NCAM2: variants seen among roughly 807,000 people sequenced by gnomAD.
NCAM2 encodes N-CAM-2.
Under a neutral mutation model 98.1 loss-of-function variants are expected in NCAM2, and 30 were observed. That is an observed-to-expected ratio of 0.31 (90% CI 0.23 to 0.41). NCAM2 has a LOEUF of 0.41. Ranked by LOEUF, NCAM2 falls within the 10% of genes least tolerant of loss-of-function variation. The pLI is 1.00. For missense variants in NCAM2, 867 were observed against 1,005.8 expected, an observed-to-expected ratio of 0.86 and a Z score of 1.87; for synonymous variants, 368 against 342.4, an observed-to-expected ratio of 1.07 and a Z score of -0.83.
chr21:21,310,744 A>G (rs1293238091), intron 5 of NCAM2, among the ~76,000 whole-genome samples: 2 of 152,194 alleles, frequency 1.3e-5, no homozygotes, highest in Non-Finnish European at 2.9e-5. Flanking sequence ...TAACGTATAC[A>G]TAGATTCATC....
intron 1 of NCAM2, among the ~76,000 whole-genome samples, chr21:21,064,713 G>C (rs780558618): frequency 6.6e-6 from 1 of 152,184 alleles, no homozygotes; most frequent in Non-Finnish European, 1.5e-5. Context: ...ACAGAAAACT[G>C]AGAAACATTA....
intron 1 of NCAM2, among the ~76,000 whole-genome samples, chr21:21,253,762 A>G (rs2071558603): frequency 6.6e-6 from 1 of 152,218 alleles, no homozygotes; most frequent in Admixed American, 6.5e-5. Flanking sequence ...CTAGAAAAGT[A>G]TTCAAACTTA....
intron 1 of NCAM2, among the ~76,000 whole-genome samples, chr21:21,241,682 A>G (rs894473976): frequency 6.6e-6 from 1 of 151,580 alleles, no homozygotes; most frequent in African/African-American, 2.4e-5. Context: ...TTCCAGGTAA[A>G]TTAAATAACA....
At chr21:21,303,775 C>A (rs1460253159) in intron 5 of NCAM2, among the ~76,000 whole-genome samples, 1 of 152,130 alleles carries the variant, frequency 6.6e-6, no homozygotes, top group African/African-American at 2.4e-5. Context: ...CACATCCTCA[C>A]CAAAACTTGA....
chr21:21,388,625 C>T (rs1264096734), intron 9 of NCAM2, among the ~76,000 whole-genome samples: 1 of 152,164 alleles, frequency 6.6e-6, no homozygotes, highest in Non-Finnish European at 1.5e-5. Flanking sequence ...GCCGGTACAA[C>T]TGAGCAACTG....
At chr21:21,419,926 G>A (rs2077076995) in intron 11 of NCAM2, among the ~76,000 whole-genome samples, 1 of 151,960 alleles carries the variant, frequency 6.6e-6, no homozygotes, top group Non-Finnish European at 1.5e-5. Flanking sequence ...GATCCCTGAG[G>A]AATCGTCACA....
intron 1 of NCAM2, among the ~76,000 whole-genome samples, chr21:21,057,573 C>T (rs1054159353): frequency 6.6e-6 from 1 of 152,060 alleles, no homozygotes; most frequent in African/African-American, 2.4e-5. Context: ...CCCGACAAAT[C>T]CTTCCTGATC....
At chr21:21,117,065 T>C (rs13047191) in intron 1 of NCAM2, among the ~76,000 whole-genome samples, 10,088 of 152,298 alleles carry the variant, frequency 0.066, 459 homozygotes, top group Middle Eastern at 0.12. Flanking sequence ...GATGATTTGA[T>C]ATATATCGAC....
At chr21:21,406,116 A>G (rs1366299685) in intron 9 of NCAM2, among the ~76,000 whole-genome samples, 1 of 152,144 alleles carries the variant, frequency 6.6e-6, no homozygotes. Context: ...GAGACCTGTT[A>G]AAAACTGTAA....
intron 16 of NCAM2, among the ~76,000 whole-genome samples, chr21:21,524,661 C>T (rs1989225772): frequency 6.6e-6 from 1 of 152,008 alleles, no homozygotes; most frequent in Non-Finnish European, 1.5e-5. Context: ...CAAGTTCAAT[C>T]AACTATATAT....
intron 16 of NCAM2, among the ~76,000 whole-genome samples, chr21:21,515,130 G>A (rs907252536): frequency 6.6e-6 from 1 of 152,170 alleles, no homozygotes; most frequent in Non-Finnish European, 1.5e-5. Flanking sequence ...ACTATTTTAA[G>A]CAACAAGCCA....
intron 15 of NCAM2, among the ~76,000 whole-genome samples, chr21:21,488,941 A>G (rs546539933): frequency 1.6e-4 from 24 of 152,088 alleles, no homozygotes; most frequent in African/African-American, 5.5e-4. Flanking sequence ...TGATCTTTTA[A>G]TAAGTCCAAT....
Position 21,000,170 on chromosome 21 carries a change from C to T in NCAM2, c.55+1552C>T, listed in dbSNP as rs116767292. On this transcript the variant is annotated intron_variant, in intron 1 of 17. Transcript: ENST00000400546. The stretch of plus-strand genomic sequence containing the variant: ...CCTACAGATATGCTTCTTTAATTTT[C>T]AGATAGCTGCTGATTGTGTTTAACT... Among the ~76,000 whole-genome samples, 1,037 of 152,298 alleles carry T rather than the reference C, an allele frequency of 6.8e-3. 17 individuals are homozygous for T. Among genetic ancestry groups the T allele is most frequent in the African/African-American group, 0.024 (1,011 of 41,558 alleles).
intron 1 of NCAM2, among the ~76,000 whole-genome samples, chr21:21,277,772 A>T (rs376018884): frequency 1.4e-4 from 21 of 152,316 alleles, no homozygotes; most frequent in African/African-American, 5.1e-4. Flanking sequence ...TGCATGCAGT[A>T]GTCTGACAAA....
chr21:21,263,405 G>A (rs548396056), intron 1 of NCAM2, among the ~76,000 whole-genome samples: 4 of 152,150 alleles, frequency 2.6e-5, no homozygotes, highest in African/African-American at 7.2e-5. Context: ...TAATGGATAG[G>A]AAAAATCAAT....
chr21:21,505,226 T>TA (rs1026548341), intron 15 of NCAM2, among the ~76,000 whole-genome samples: 12 of 151,976 alleles, frequency 7.9e-5, no homozygotes, highest in Non-Finnish European at 1.5e-4. Context: ...CCTATATGGT[T>TA]AAAAAAGAGT....
intron 8 of NCAM2, among the ~76,000 whole-genome samples, chr21:21,355,411 G>A (rs1300632688): frequency 1.4e-5 from 2 of 142,996 alleles, no homozygotes; most frequent in Non-Finnish European, 3.0e-5. Context: ...GCAGGGAGCC[G>A]AGGTCCTGCC....
chr21:21,098,128 G>T (rs2066162097), intron 1 of NCAM2, among the ~76,000 whole-genome samples: 6 of 150,654 alleles, frequency 4.0e-5, no homozygotes. Flanking sequence ...TTACAAAATT[G>T]AAGGTACACA....
At chr21:21,069,995 A>ATTT (rs2065525772) in intron 1 of NCAM2, among the ~76,000 whole-genome samples, 1 of 152,112 alleles carries the variant, frequency 6.6e-6, no homozygotes. Context: ...AACACCGGCA[A>ATTT]TTTAATGTGT....
Sources: gnomAD v4.1 joint callset for allele counts (sites outside exome capture counted in the v4.1 genomes callset) on GRCh38, gnomAD v4.1.1 for gene constraint, MANE v1.5 for transcripts, NCBI Gene and HGNC (gene_info 2026-07-23, HGNC 2026-07-21) for gene names.